The following TJP1 variants were observed in gnomAD, a reference collection of about 807,000 sequenced individuals.
TJP1 encodes the protein tight junction protein ZO-1.
A neutral mutation model predicts 194.2 loss-of-function variants in TJP1; 43 were observed. The observed-to-expected ratio is 0.22, with a 90% CI of 0.17 to 0.29. The LOEUF (loss-of-function observed/expected upper bound fraction) is 0.29. Ranked by LOEUF, TJP1 falls within the 10% of genes least tolerant of loss-of-function variation. The probability of loss-of-function intolerance (pLI) is 1.00; values close to 1 mark genes in which losing one functional copy is unlikely to be tolerated. For missense variants in TJP1, 1,971 were observed against 2,185.7 expected (o/e 0.90, Z 1.96); for synonymous variants, 801 against 779.0 (o/e 1.03, Z -0.47).
intron 27 of TJP1, among the ~76,000 whole-genome samples, chr15:29,702,559 T>G (rs2041617880): frequency 6.6e-6 from 1 of 152,138 alleles, no homozygotes; most frequent in Non-Finnish European, 1.5e-5. Flanking sequence ...TTGTTACCAC[T>G]GGCATCTAGG....
At position 29,718,484 on chromosome 15, in the gene TJP1, CACCATG is replaced by C; in HGVS notation, c.3652_3657del (p.His1218_Gly1219del). On this transcript the variant is annotated inframe_deletion, in exon 21 of 28. Coordinates refer to ENST00000614355, the MANE Select transcript of TJP1 (RefSeq NM_001330239.4). ...GGTATCAGCGGAGGGACAGCTGCAG[CACCATG>C]GAGAGGCTCAAAATGACCTGCTCTA... is the stretch of plus-strand genomic sequence containing the variant. 8.1e-6 allele frequency: 13 copies of C among 1,614,162 alleles called. No homozygotes were observed. Among genetic ancestry groups the C allele is most frequent in the Non-Finnish European group, 1.1e-5 (13 of 1,180,044 alleles).
intron 2 of TJP1, among the ~76,000 whole-genome samples, chr15:29,889,492 T>C (rs1237093101): frequency 6.6e-6 from 1 of 152,208 alleles, no homozygotes; most frequent in Non-Finnish European, 1.5e-5. Flanking sequence ...ATAACAAGTC[T>C]TATAAATTGA....
At chr15:29,819,431 GAATT>G (rs1232498153) in intron 1 of TJP1, among the ~76,000 whole-genome samples, 1 of 152,096 alleles carries the variant, frequency 6.6e-6, no homozygotes, top group Non-Finnish European at 1.5e-5. Context: ...GTTACTGTGA[GAATT>G]AAATAAATTG....
rs545151879 is a variant in TJP1, at chr15:29,857,983, G to A, written c.307-57281C>T. On this transcript the variant is annotated intron_variant, in intron 2 of 28. Coordinates refer to the TJP1 transcript ENST00000356107. ...TCACCATGTTGGCCAGGCTGGTCTC[G>A]AACTCCTGACCTCAGGTGATTCACC... is the stretch of plus-strand genomic sequence containing the variant. Among the ~76,000 whole-genome samples the A allele has an allele frequency of 1.3e-4, 20 of 152,170 alleles. No homozygotes were observed. In the South Asian group the frequency reaches 3.5e-3, roughly 27 times the overall value.
chr15:29,814,773 A>C (rs1392656617), intron 1 of TJP1, among the ~76,000 whole-genome samples: 1 of 152,210 alleles, frequency 6.6e-6, no homozygotes, highest in East Asian at 1.9e-4. Flanking sequence ...ATAAACTAGA[A>C]TTGAGATCAT....
At chr15:29,724,896 C>T (rs553791480) in intron 18 of TJP1, among the ~76,000 whole-genome samples, 3 of 152,128 alleles carry the variant, frequency 2.0e-5, no homozygotes. Context: ...AAGACTATCA[C>T]TAAAATACTT....
At chr15:29,939,357 C>T (rs2054989925) in intron 2 of TJP1, among the ~76,000 whole-genome samples, 1 of 152,166 alleles carries the variant, frequency 6.6e-6, no homozygotes, top group African/African-American at 2.4e-5. Flanking sequence ...ATTCTCTCTC[C>T]ACCTGGTACA....
upstream of TJP1, chr15:29,823,213 C>G (rs925684302): frequency 1.1e-4 from 17 of 152,298 alleles, no homozygotes; most frequent in African/African-American, 3.6e-4. Context: ...TCTTGTTGAC[C>G]GAACGGGTCA....
chr15:29,881,364 G>T (rs560111814), intron 2 of TJP1, among the ~76,000 whole-genome samples: 1 of 152,164 alleles, frequency 6.6e-6, no homozygotes, highest in South Asian at 2.1e-4. Flanking sequence ...TCAGATACAC[G>T]GTTCACAAAT....
At chr15:29,769,641 T>C (rs1446903819) in intron 4 of TJP1, among the ~76,000 whole-genome samples, 1 of 152,162 alleles carries the variant, frequency 6.6e-6, no homozygotes, top group Admixed American at 6.5e-5. Flanking sequence ...CAGCACGTAC[T>C]GCAGGGGCCC....
At chr15:29,788,129 T>C (rs537983332) in intron 2 of TJP1, among the ~76,000 whole-genome samples, 1 of 152,354 alleles carries the variant, frequency 6.6e-6, no homozygotes, top group South Asian at 2.1e-4. Flanking sequence ...AAGTATCTAT[T>C]CAAATCATTT....
chr15:29,881,934 G>GAT (rs961122533), intron 2 of TJP1, among the ~76,000 whole-genome samples: 38 of 150,858 alleles, frequency 2.5e-4, no homozygotes, highest in Admixed American at 5.3e-4. Context: ...AGCTTATAAA[G>GAT]ATATATATAT....
intron 2 of TJP1, among the ~76,000 whole-genome samples, chr15:29,840,318 T>G (rs1311846922): frequency 6.6e-6 from 1 of 152,180 alleles, no homozygotes; most frequent in Non-Finnish European, 1.5e-5. Flanking sequence ...CACCCAGTCC[T>G]AAGTCCTCTC....
At chr15:29,816,377 G>A (rs923044677) in intron 1 of TJP1, among the ~76,000 whole-genome samples, 69 of 151,972 alleles carry the variant, frequency 4.5e-4, no homozygotes, top group Admixed American at 4.5e-3. Context: ...AACCTGGGGG[G>A]GAAGAACACC....
intron 25 of TJP1, among the ~76,000 whole-genome samples, chr15:29,708,174 C>T (rs372936500): frequency 1.5e-4 from 21 of 139,934 alleles, no homozygotes; most frequent in Non-Finnish European, 2.7e-4. Flanking sequence ...CCAGCCTGGG[C>T]GACAGAGGGA....
At chr15:29,880,454 T>C (rs981097090) in intron 2 of TJP1, among the ~76,000 whole-genome samples, 3 of 152,208 alleles carry the variant, frequency 2.0e-5, no homozygotes, top group Non-Finnish European at 2.9e-5. Flanking sequence ...TTGTTTTTTG[T>C]GGTAAAATCT....
intron 2 of TJP1, among the ~76,000 whole-genome samples, chr15:29,835,897 GAGAGAGAGAC>G (rs371505244): frequency 0.05 from 7,666 of 152,138 alleles, 315 homozygotes; most frequent in African/African-American, 0.12. Flanking sequence ...GAAAGAGAGA[GAGAGAGAGAC>G]AGAGAGAGAC....
chr15:29,750,981 A>T (rs1052221672), intron 8 of TJP1, among the ~76,000 whole-genome samples: 2 of 152,240 alleles, frequency 1.3e-5, no homozygotes, highest in African/African-American at 4.8e-5. Flanking sequence ...TCAGCCTGGA[A>T]GGCTCTATTG....
At chr15:29,858,014 C>T (rs564949975) in intron 2 of TJP1, among the ~76,000 whole-genome samples, 47 of 152,318 alleles carry the variant, frequency 3.1e-4, no homozygotes, top group African/African-American at 1.1e-3. Context: ...TCACCCGCCT[C>T]AGTCTCCTAA....
Sources: gnomAD v4.1 joint callset for allele counts (sites outside exome capture counted in the v4.1 genomes callset) on GRCh38, gnomAD v4.1.1 for gene constraint, MANE v1.5 for transcripts, NCBI Gene and HGNC (gene_info 2026-07-23, HGNC 2026-07-21) for gene names.